Variants in USP31 observed in about 807,000 individuals in gnomAD.
USP31 encodes ubiquitin carboxyl-terminal hydrolase 31.
USP31 carries 44 observed loss-of-function variants against 119.4 expected under a neutral mutation model. The observed-to-expected ratio is 0.37, with a 90% confidence interval of 0.29 to 0.47. The LOEUF (loss-of-function observed/expected upper bound fraction) is 0.47. Ranked by LOEUF, USP31 falls within the 20% of genes least tolerant of loss-of-function variation. The probability of loss-of-function intolerance (pLI) is 0.99; values close to 1 mark genes in which losing one functional copy is unlikely to be tolerated. For missense variants in USP31, 1,643 were observed against 1,730.2 expected (o/e 0.95, Z 0.89); for synonymous variants, 749 against 705.6 (o/e 1.06, Z -0.97).
chr16:23,145,701 CAGA>C (rs1903484016), intron 1 of USP31, among the ~76,000 whole-genome samples: 2 of 152,154 alleles, frequency 1.3e-5, no homozygotes, highest in African/African-American at 4.8e-5. Context: ...GGTGGAAATA[CAGA>C]AATGGTCTGA....
At chr16:23,081,161 A>G (rs779227700) in intron 12 of USP31, among the ~76,000 whole-genome samples, 3 of 152,190 alleles carry the variant, frequency 2.0e-5, no homozygotes, top group Non-Finnish European at 4.4e-5. Context: ...GGGACAAGAA[A>G]GAAGAGTCAA....
chr16:23,068,141 A>G lies in USP31; in HGVS notation c.3964T>C (p.Ser1322Pro). ...KSSQLDSGVP[S>P]SPGGRQSAEK... The stretch of plus-strand genomic sequence containing the variant: ...GCAGACTGCCTGCCACCCGGAGACG[A>G]GGGAACTCCAGAGTCTAGTTGGGAA... The change falls in exon 16 of 16, where the codon TCG (serine) becomes CCG (proline). Residue 1322 changes from serine to proline, a missense_variant. Ser to Pro is a moderately conservative substitution (Grantham distance 74, BLOSUM62 -1). Around this residue, in one of 5 missense-constraint regions of USP31, gnomAD observed 699 missense variants for 650.9 expected, o/e 1.07. Transcript: ENST00000219689. 6.2e-7 allele frequency: 1 copy of G among 1,614,226 alleles called. No individual in the cohort carries two copies. Among genetic ancestry groups the G allele is most frequent in the Non-Finnish European group, 8.5e-7 (1 of 1,180,042 alleles).
Position 23,148,749 on chromosome 16 carries a change from C to T in USP31, c.522G>A (p.Gln174=), listed in dbSNP as rs763367687. The change falls in exon 1 of 16, where the codon CAG becomes CAA. Residue 174 remains glutamine, a synonymous_variant. Transcript: ENST00000219689. ...GGCCCTGCGCGCCGCGGCCCGCAGG[C>T]TGCTCCGGGTCAGGCGAGGGCTCGG... is the stretch of plus-strand genomic sequence containing the variant. ...GRPEPSPDPE[Q]PAGRGAQGQG... The T allele has an allele frequency of 2.7e-6, 4 of 1,503,688 alleles. No homozygotes were observed. The highest frequency in any genetic ancestry group is 2.9e-5 in the African/African-American group (2 of 68,916). 93.1% of individuals were successfully genotyped at this position (1,503,688 alleles called of 1,614,324 possible).
At chr16:23,078,300 G>C (rs1168661050) in intron 13 of USP31, among the ~76,000 whole-genome samples, 3 of 127,294 alleles carry the variant, frequency 2.4e-5, no homozygotes, top group Non-Finnish European at 4.7e-5. Flanking sequence ...GAGAGAGCGA[G>C]ACTCCGTCGC....
chr16:23,090,904 T>C, intron 6 of USP31, 100 bp from the exon 7 acceptor site: 5 of 1,130,110 alleles, frequency 4.4e-6, no homozygotes, highest in Non-Finnish European at 5.9e-6. Context: ...TTTTTAAAAA[T>C]GTCATTATGT....
chr16:23,077,519 T>C, intron 13 of USP31, among the ~76,000 whole-genome samples: 1 of 152,216 alleles, frequency 6.6e-6, no homozygotes, highest in East Asian at 1.9e-4. Context: ...CACGGCTAAA[T>C]ACTAGAGAAA....
At chr16:23,074,814 C>T (rs755143111) in intron 13 of USP31, among the ~76,000 whole-genome samples, 23 of 152,216 alleles carry the variant, frequency 1.5e-4, no homozygotes, top group Non-Finnish European at 2.8e-4. Flanking sequence ...CAAACCCAGT[C>T]ATCCTGCAAG....
chr16:23,094,026 C>T (rs1901491069), intron 6 of USP31, among the ~76,000 whole-genome samples: 1 of 152,070 alleles, frequency 6.6e-6, no homozygotes, highest in Non-Finnish European at 1.5e-5. Context: ...GGAGGGTGAG[C>T]TGAAGCAGAG....
intron 6 of USP31, among the ~76,000 whole-genome samples, chr16:23,101,018 G>C (rs1901829727): frequency 6.6e-6 from 1 of 152,162 alleles, no homozygotes; most frequent in African/African-American, 2.4e-5. Context: ...AGGGGAGGAG[G>C]GGGTTATGCT....
intron 1 of USP31, among the ~76,000 whole-genome samples, chr16:23,132,045 C>CAGAT (rs1269672939): frequency 6.6e-6 from 1 of 152,154 alleles, no homozygotes; most frequent in Admixed American, 6.5e-5. Flanking sequence ...GAAGAAGCAA[C>CAGAT]AGATGTTCAG....
At position 23,080,054 on chromosome 16, in the gene USP31, A is replaced by C; in HGVS notation, c.2068T>G (p.Ser690Ala). 2 of 1,614,050 alleles carry C rather than the reference A, an allele frequency of 1.2e-6. No individual in the cohort carries two copies. The highest frequency in any genetic ancestry group is 1.7e-6 in the Non-Finnish European group (2 of 1,180,018). The change falls in exon 13 of 16, where the codon TCC becomes GCC. Residue 690 changes from serine to alanine, a missense_variant. Around this residue, in one of 5 missense-constraint regions of USP31, gnomAD observed 279 missense variants for 372.2 expected, o/e 0.75. Transcript: ENST00000219689. ...AGTCCATAGGGCCGTCTCCACGGGGACCAATGCGATGGCAAACTCCAGCTG... is the reference window on the plus strand; with the variant it reads ...AGTCCATAGGGCCGTCTCCACGGGGCCCAATGCGATGGCAAACTCCAGCTG... ...QSSWSLPSHW[S>A]PWRRPYGLGR... is the part of the protein sequence containing the mutation.
In USP31 at chr16:23,130,139, G is replaced by C. The variant is rs563409915; in HGVS notation, c.633+18499C>G. Among the ~76,000 whole-genome samples the C allele has an allele frequency of 5.6e-4, 86 of 152,298 alleles. No homozygotes were observed. The Middle Eastern group carries it at 0.01, about 18-fold the overall frequency. On this transcript the variant is annotated intron_variant, in intron 1 of 15. Coordinates refer to ENST00000219689, the MANE Select transcript of USP31 (RefSeq NM_020718.4). ...TGTGTTCCTCTGCCTTTCCGGGACA[G>C]GGGGGAAGATAAGATTTCATCATGA...
Position 23,149,248 on chromosome 16 carries a change from C to T in USP31, c.23G>A (p.Gly8Glu). The change falls in exon 1 of 16, where the codon GGG (glycine) becomes GAG (glutamate). Residue 8 changes from glycine to glutamate, a missense_variant. Physicochemically the swap from Gly to Glu is moderately conservative, Grantham distance 98 (BLOSUM62 -2). Around this residue, in one of 5 missense-constraint regions of USP31, gnomAD observed 302 missense variants for 262.6 expected, o/e 1.15. Coordinates refer to ENST00000219689, the MANE Select transcript of USP31 (RefSeq NM_020718.4). ...GCTCGCCGCCGCCGGCGGCCCGGAC[C>T]CAGGCGCCGTTACCTTGGACATGGC... MSKVTAP[G>E]SGPPAAASGK... 9.0e-7 allele frequency: 1 copy of T among 1,114,146 alleles called. No homozygotes were observed. Among genetic ancestry groups the T allele is most frequent in the Non-Finnish European group, 1.1e-6 (1 of 913,032 alleles). The allele number at this position is 1,114,146 out of a possible 1,614,324, so 69.0% of individuals were successfully genotyped here. A position where few individuals can be genotyped will look rare whatever the true frequency, so the allele number is the denominator to read the frequency against.
chr16:23,092,731 T>A (rs1032348302), intron 6 of USP31, among the ~76,000 whole-genome samples: 1 of 152,084 alleles, frequency 6.6e-6, no homozygotes, highest in Non-Finnish European at 1.5e-5. Context: ...AATAATAGAC[T>A]ATCTAGAAAA....
chr16:23,115,045 CA>C (rs35476430), intron 1 of USP31, among the ~76,000 whole-genome samples: 41,500 of 152,046 alleles, frequency 0.27, 6,098 homozygotes, highest in Admixed American at 0.34. Context: ...CACTGGTTAT[CA>C]AGAGGCAACT....
chr16:23,134,165 T>C (rs1053308987), intron 1 of USP31, among the ~76,000 whole-genome samples: 1 of 151,988 alleles, frequency 6.6e-6, no homozygotes, highest in African/African-American at 2.4e-5. Flanking sequence ...GACAAAATGA[T>C]TCTAAAATTT....
At chr16:23,148,117 G>A (rs1348448408) in intron 1 of USP31, among the ~76,000 whole-genome samples, 2 of 152,092 alleles carry the variant, frequency 1.3e-5, no homozygotes, top group African/African-American at 2.4e-5. Context: ...CTATAAAAGT[G>A]CCAATCTGTA....
rs1021692418 is a variant in USP31 at position 23,067,058 on chromosome 16, C to T, written c.*988G>A. The T allele has an allele frequency of 6.6e-6, 1 of 152,208 alleles. No homozygotes were observed. Among genetic ancestry groups the T allele is most frequent in the African/African-American group, 2.4e-5 (1 of 41,442 alleles). 9.4% of individuals were successfully genotyped at this position (152,208 alleles called of 1,614,324 possible). A position where few individuals can be genotyped will look rare whatever the true frequency, so the allele number is the denominator to read the frequency against. On this transcript the variant is annotated 3_prime_UTR_variant, in exon 16 of 16. Transcript: ENST00000219689. ...ACATGAGCCCACAGACACAGGGCAT[C>T]GTGGAGCTTCCCACCTCTAACGGAA... is the stretch of plus-strand genomic sequence containing the variant.
rs140480915 is a variant in USP31 at position 23,061,458 on chromosome 16, TTTCTC to T, written c.*6583_*6587del. On this transcript the variant is annotated 3_prime_UTR_variant, in exon 16 of 16. Transcript: ENST00000219689. ...ATTGTATTTTGTTACATTTTCCACT[TTTCTC>T]TTAATTCCAACTGTATACTATATAA... is the stretch of plus-strand genomic sequence containing the variant. The T allele has an allele frequency of 0.015, 2,252 of 152,778 alleles. 24 individuals carry two copies. The highest frequency in any genetic ancestry group is 0.038 in the South Asian group (185 of 4,834). The allele number at this position is 152,778 out of a possible 1,614,324, so 9.5% of individuals were successfully genotyped here. A position where few individuals can be genotyped will look rare whatever the true frequency, so the allele number is the denominator to read the frequency against.
Sources: gnomAD v4.1 joint callset for allele counts (sites outside exome capture counted in the v4.1 genomes callset) on GRCh38, gnomAD v4.1.1 for gene constraint, gnomAD v4.1.1 regional missense constraint, MANE v1.5 for transcripts, NCBI Gene and HGNC (gene_info 2026-07-23, HGNC 2026-07-21) for gene names.